Variants in TC2N observed in about 807,000 individuals in gnomAD.
TC2N encodes tandem C2 domains nuclear protein.
In TC2N, 51 loss-of-function variants were observed where a neutral mutation model predicts 61.9. The observed-to-expected ratio is 0.82, with a 90% CI of 0.66 to 1.04. The LOEUF (loss-of-function observed/expected upper bound fraction) is 1.04. Ranked by LOEUF, TC2N falls within the 50% of genes least tolerant of loss-of-function variation. The pLI is 0.00. For synonymous variants in TC2N, 204 were observed against 192.6 expected (o/e 1.06, Z -0.49); for missense variants, 556 against 566.7 (o/e 0.98, Z 0.19).
chr14:91,834,514 T>C (rs924436799), intron 1 of TC2N, among the ~76,000 whole-genome samples: 4 of 152,176 alleles, frequency 2.6e-5, no homozygotes, highest in African/African-American at 9.7e-5. Flanking sequence ...TCGCCTCTCC[T>C]TCTAACCTTT....
At chr14:91,792,616 C>T (rs1293561432) in intron 8 of TC2N, 58 bp from the exon 9 acceptor site, 2 of 761,680 alleles carry the variant, frequency 2.6e-6, no homozygotes, top group Non-Finnish European at 3.9e-6. Context: ...TATGCCAATA[C>T]AAAATAATAT....
At chr14:91,816,894 G>T (rs1887028795) in intron 1 of TC2N, among the ~76,000 whole-genome samples, 1 of 151,596 alleles carries the variant, frequency 6.6e-6, no homozygotes, top group Non-Finnish European at 1.5e-5. Flanking sequence ...TGTACCAATG[G>T]TATATCATTT....
At chr14:91,863,025 G>A (rs747000568) in intron 1 of TC2N, among the ~76,000 whole-genome samples, 6 of 152,236 alleles carry the variant, frequency 3.9e-5, no homozygotes, top group Non-Finnish European at 5.9e-5. Context: ...CAACAAAAAT[G>A]TAGCTGTTAC....
intron 3 of TC2N, among the ~76,000 whole-genome samples, chr14:91,802,750 G>T (rs1039954711): frequency 1.3e-5 from 2 of 150,880 alleles, no homozygotes; most frequent in African/African-American, 2.5e-5. Context: ...AGATTGGGGG[G>T]GGAGATACAT....
Position 91,781,214 on chromosome 14 carries a change from T to C in TC2N, c.*1886A>G, listed in dbSNP as rs1225259445. ...ATAAACAATAAAGCCCGTTATTTATTATCTAAAAGCCAGTAAATACATTTA... is the reference window on the plus strand; with the variant it reads ...ATAAACAATAAAGCCCGTTATTTATCATCTAAAAGCCAGTAAATACATTTA... On this transcript the variant is annotated 3_prime_UTR_variant, in exon 12 of 12. Coordinates refer to ENST00000435962, the MANE Select transcript of TC2N (RefSeq NM_001128596.3). 6.6e-6 allele frequency: 1 copy of C among 152,144 alleles called. No individual in the cohort carries two copies. Among genetic ancestry groups the C allele is most frequent in the Admixed American group, 6.5e-5 (1 of 15,278 alleles). The allele number at this position is 152,144 out of a possible 1,614,324, so 9.4% of individuals were successfully genotyped here. A position where few individuals can be genotyped will look rare whatever the true frequency, so the allele number is the denominator to read the frequency against.
intron 1 of TC2N, among the ~76,000 whole-genome samples, chr14:91,846,996 G>A (rs974342390): frequency 3.9e-5 from 6 of 152,202 alleles, no homozygotes; most frequent in African/African-American, 1.4e-4. Flanking sequence ...GGTGGCTCAC[G>A]CCTATAATCC....
intron 3 of TC2N, among the ~76,000 whole-genome samples, chr14:91,809,459 A>G (rs1290684914): frequency 6.6e-6 from 1 of 152,116 alleles, no homozygotes; most frequent in Non-Finnish European, 1.5e-5. Flanking sequence ...ACCAGACCCA[A>G]CTCTCTTGTA....
At chr14:91,833,036 T>G (rs558533126) in intron 1 of TC2N, among the ~76,000 whole-genome samples, 2 of 152,298 alleles carry the variant, frequency 1.3e-5, no homozygotes, top group South Asian at 2.1e-4. Context: ...GTGTTTGGAA[T>G]GCATAGACAT....
rs536300405 is a variant in TC2N at position 91,802,298 on chromosome 14, C to T, written c.425G>A (p.Arg142Gln). 47 of 1,602,668 alleles carry T rather than the reference C, an allele frequency of 2.9e-5. No individual in the cohort carries two copies. Among genetic ancestry groups the T allele is most frequent in the African/African-American group, 1.8e-4 (13 of 74,262 alleles). The change falls in exon 4 of 12, where the codon CGA becomes CAA. Residue 142 changes from arginine (R) to glutamine (Q), a missense_variant. By Grantham distance (43) the Arg-to-Gln change is conservative (BLOSUM62 1). Transcript: ENST00000435962. ...CACTTCTGAACGGGGAGGAAAGCGTCGACTCAAATCAGGTGAAATGTGCTG... is the reference window on the plus strand; with the variant it reads ...CACTTCTGAACGGGGAGGAAAGCGTTGACTCAAATCAGGTGAAATGTGCTG... ...MYQHISPDLSRRFPPRSEVKR... is the reference protein window; with the variant it reads ...MYQHISPDLSQRFPPRSEVKR...
intron 1 of TC2N, among the ~76,000 whole-genome samples, chr14:91,849,161 A>T (rs1888325123): frequency 6.6e-6 from 1 of 152,204 alleles, no homozygotes; most frequent in African/African-American, 2.4e-5. Context: ...TAGTCTCATC[A>T]TGAGGACCAC....
intron 1 of TC2N, among the ~76,000 whole-genome samples, chr14:91,845,094 G>T (rs1306719281): frequency 6.6e-6 from 1 of 151,494 alleles, no homozygotes; most frequent in Admixed American, 6.6e-5. Flanking sequence ...CGGGTGACGT[G>T]GCGCACACCT....
At chr14:91,819,421 A>C (rs1324942419) in intron 1 of TC2N, among the ~76,000 whole-genome samples, 1 of 152,148 alleles carries the variant, frequency 6.6e-6, no homozygotes, top group Non-Finnish European at 1.5e-5. Flanking sequence ...AATGTACTGA[A>C]AGAAAAAAAC....
intron 1 of TC2N, among the ~76,000 whole-genome samples, chr14:91,860,920 GTTCT>G (rs1487051055): frequency 1.3e-5 from 2 of 152,194 alleles, no homozygotes; most frequent in African/African-American, 4.8e-5. Flanking sequence ...GCAATTAAGG[GTTCT>G]TTGTGACTGG....
At chr14:91,856,782 C>T (rs965225219) in intron 1 of TC2N, among the ~76,000 whole-genome samples, 1 of 152,202 alleles carries the variant, frequency 6.6e-6, no homozygotes, top group South Asian at 2.1e-4. Flanking sequence ...TCTAAACTCT[C>T]ATTTGAGTGG....
At chr14:91,790,207 T>A (rs923179838) in intron 9 of TC2N, among the ~76,000 whole-genome samples, 1 of 152,230 alleles carries the variant, frequency 6.6e-6, no homozygotes, top group African/African-American at 2.4e-5. Context: ...TCTTCCACAT[T>A]ATTCAATACC....
rs540497155 is a variant in TC2N at position 91,826,786 on chromosome 14, T to C, written c.-56-12961A>G. Among the ~76,000 whole-genome samples the C allele has an allele frequency of 2.5e-3, 383 of 152,308 alleles. 3 individuals carry two copies. The highest frequency in any genetic ancestry group is 9.0e-3 in the African/African-American group (374 of 41,586). Reference sequence around the variant, plus strand: ...AAGATTTAAAACTGTTTTAACATATTGGTGATTTAAATCTCTTATCATTAT... The same window carrying C: ...AAGATTTAAAACTGTTTTAACATATCGGTGATTTAAATCTCTTATCATTAT... On this transcript the variant is annotated intron_variant, in intron 1 of 11. Coordinates refer to ENST00000435962, the MANE Select transcript of TC2N (RefSeq NM_001128596.3).
intron 1 of TC2N, among the ~76,000 whole-genome samples, chr14:91,864,578 T>C (rs2139929791): frequency 6.6e-6 from 1 of 152,138 alleles, no homozygotes; most frequent in South Asian, 2.1e-4. Flanking sequence ...GAGTAGAAGG[T>C]TGGAAACGAA....
intron 8 of TC2N, among the ~76,000 whole-genome samples, chr14:91,795,603 T>C (rs1226951922): frequency 1.3e-5 from 2 of 152,202 alleles, no homozygotes; most frequent in African/African-American, 4.8e-5. Flanking sequence ...AATTAAAGTA[T>C]GTAAATTACT....
intron 1 of TC2N, among the ~76,000 whole-genome samples, chr14:91,826,319 GAA>G (rs61107451): frequency 7.1e-6 from 1 of 139,966 alleles, no homozygotes; most frequent in South Asian, 2.2e-4. Context: ...GACCTTGTCT[GAA>G]AAAAAAAAAA....
Sources: allele counts gnomAD v4.1 joint callset (sites outside exome capture counted in the v4.1 genomes callset), GRCh38; gene constraint gnomAD v4.1.1; transcripts MANE v1.5; gene names NCBI Gene and HGNC (gene_info 2026-07-23, HGNC 2026-07-21).